The following CPA6 variants were observed in gnomAD, a reference collection of about 807,000 sequenced individuals.
The protein encoded by CPA6 is carboxypeptidase A6.
CPA6 carries 58 observed loss-of-function variants against 63.3 expected under a neutral mutation model. The observed-to-expected ratio is 0.92, with a 90% confidence interval of 0.74 to 1.14. The LOEUF (loss-of-function observed/expected upper bound fraction) is 1.14, where lower values mean the gene tolerates loss of function less well. Ranked by LOEUF, CPA6 falls within the 50% of genes most tolerant of loss-of-function variation. CPA6 has a pLI of 0.00. For missense variants in CPA6, 565 were observed against 526.6 expected (o/e 1.07, Z -0.71); for synonymous variants, 185 against 179.0 (o/e 1.03, Z -0.27).
At chr8:67,571,242 T>G (rs1271343514) in intron 2 of CPA6, among the ~76,000 whole-genome samples, 1 of 152,166 alleles carries the variant, frequency 6.6e-6, no homozygotes, top group East Asian at 1.9e-4. Context: ...GAGATTGCCA[T>G]TCAATAGCAG....
At chr8:67,468,572 C>G (rs1271943671) in intron 8 of CPA6, among the ~76,000 whole-genome samples, 1 of 136,884 alleles carries the variant, frequency 7.3e-6, no homozygotes, top group Non-Finnish European at 1.5e-5. Context: ...AAGAGCGAGA[C>G]TCTGTCTCAA....
intron 2 of CPA6, among the ~76,000 whole-genome samples, chr8:67,523,848 G>A (rs973785506): frequency 6.6e-6 from 1 of 152,186 alleles, no homozygotes; most frequent in Non-Finnish European, 1.5e-5. Context: ...AAGGTGCTCT[G>A]TCAACTTGGT....
chr8:67,727,751 A>G (rs1310164511), intron 1 of CPA6, among the ~76,000 whole-genome samples: 1 of 152,162 alleles, frequency 6.6e-6, no homozygotes, highest in Non-Finnish European at 1.5e-5. Flanking sequence ...TCCACAAACT[A>G]TTCTCTGTTC....
intron 1 of CPA6, among the ~76,000 whole-genome samples, chr8:67,654,943 T>A (rs1815947715): frequency 6.6e-6 from 1 of 152,170 alleles, no homozygotes; most frequent in South Asian, 2.1e-4. Context: ...AGGCAAATGA[T>A]TTAATTTTTG....
chr8:67,743,712 A>T (rs1239912944), intron 1 of CPA6, among the ~76,000 whole-genome samples: 1 of 152,082 alleles, frequency 6.6e-6, no homozygotes, highest in African/African-American at 2.4e-5. Context: ...AATTGTTACT[A>T]GTTTATGTCT....
chr8:67,658,308 A>G (rs750754964), intron 1 of CPA6, among the ~76,000 whole-genome samples: 1 of 152,206 alleles, frequency 6.6e-6, no homozygotes, highest in Non-Finnish European at 1.5e-5. Context: ...TGGCTGCAGC[A>G]CAAACTTTCT....
intron 8 of CPA6, among the ~76,000 whole-genome samples, chr8:67,440,346 G>T (rs540114390): frequency 6.6e-6 from 1 of 152,098 alleles, no homozygotes; most frequent in Non-Finnish European, 1.5e-5. Flanking sequence ...TGAAGCGGGC[G>T]GATCACTTGA....
At chr8:67,424,032 C>T (rs1290290122) in intron 10 of CPA6, among the ~76,000 whole-genome samples, 2 of 152,144 alleles carry the variant, frequency 1.3e-5, no homozygotes, top group Admixed American at 6.5e-5. Context: ...ATTAGATTCT[C>T]ATAGGAACAT....
chr8:67,556,218 T>C (rs2128973684), intron 2 of CPA6, among the ~76,000 whole-genome samples: 1 of 152,362 alleles, frequency 6.6e-6, no homozygotes, highest in East Asian at 1.9e-4. Context: ...AGATGGGGTT[T>C]CTGCGTTCGT....
chr8:67,554,773 G>A (rs1316854117), intron 2 of CPA6, among the ~76,000 whole-genome samples: 1 of 152,178 alleles, frequency 6.6e-6, no homozygotes, highest in African/African-American at 2.4e-5. Flanking sequence ...AGGTAGAAGA[G>A]GGGTGACCTG....
chr8:67,744,428 C>CTTTTT (rs1817970178), intron 1 of CPA6, among the ~76,000 whole-genome samples: 1 of 152,196 alleles, frequency 6.6e-6, no homozygotes, highest in South Asian at 2.1e-4. Flanking sequence ...GAAAAGGGTG[C>CTTTTT]CACCACTGGC....
At chr8:67,603,031 C>T (rs1814536772) in intron 2 of CPA6, among the ~76,000 whole-genome samples, 1 of 152,080 alleles carries the variant, frequency 6.6e-6, no homozygotes, top group Non-Finnish European at 1.5e-5. Flanking sequence ...TCATTATAAG[C>T]AAGAAGCTAA....
intron 1 of CPA6, among the ~76,000 whole-genome samples, chr8:67,697,109 A>G (rs953756089): frequency 6.6e-6 from 1 of 152,230 alleles, no homozygotes. Context: ...GGTTAAGCAG[A>G]CAGCCACTGT....
intron 1 of CPA6, among the ~76,000 whole-genome samples, chr8:67,705,319 C>T (rs1817111103): frequency 6.6e-6 from 1 of 152,160 alleles, no homozygotes; most frequent in Non-Finnish European, 1.5e-5. Context: ...CCAAATCAGA[C>T]CTCACCATCA....
At chr8:67,588,384 A>G (rs1393025931) in intron 2 of CPA6, among the ~76,000 whole-genome samples, 1 of 152,152 alleles carries the variant, frequency 6.6e-6, no homozygotes, top group Non-Finnish European at 1.5e-5. Context: ...GTAATAAAAG[A>G]GGTGAATAGA....
chr8:67,715,549 G>A (rs1221192707), intron 1 of CPA6, among the ~76,000 whole-genome samples: 1 of 152,134 alleles, frequency 6.6e-6, no homozygotes, highest in Non-Finnish European at 1.5e-5. Context: ...AAACCAAGTT[G>A]GTTTAATTAA....
chr8:67,495,642 C>G (rs1323958248), intron 6 of CPA6, among the ~76,000 whole-genome samples: 4 of 152,040 alleles, frequency 2.6e-5, no homozygotes, highest in African/African-American at 9.7e-5. Flanking sequence ...TCTTTAAGCT[C>G]TCTGACAATG....
At chr8:67,552,225 T>C (rs1323498096) in intron 2 of CPA6, among the ~76,000 whole-genome samples, 1 of 152,182 alleles carries the variant, frequency 6.6e-6, no homozygotes, top group Non-Finnish European at 1.5e-5. Flanking sequence ...CACATCTAAG[T>C]AGATTGAAAT....
rs1156589243 is a variant in CPA6 at position 67,428,102 on chromosome 8, T to G, written c.1071A>C (p.Ala357=). ...VESAAYKAVN[A]LQSVYGVRYR... ...ATCGTACCCCGTATACTGACTGAAG[T>G]GCATTCACAGCTTTATAAGCTGCAG... Residue 357 remains alanine, a synonymous_variant, in exon 10 of 11, where the codon GCA becomes GCC. Transcript: ENST00000297770. The G allele has an allele frequency of 6.2e-7, 1 of 1,613,058 alleles. No homozygotes were observed. The highest frequency in any genetic ancestry group is 8.5e-7 in the Non-Finnish European group (1 of 1,179,178).
Sources: allele counts gnomAD v4.1 joint callset (sites outside exome capture counted in the v4.1 genomes callset), GRCh38; gene constraint gnomAD v4.1.1; transcripts MANE v1.5; gene names NCBI Gene and HGNC (gene_info 2026-07-23, HGNC 2026-07-21).